Variants in WDR70 observed in about 807,000 individuals in gnomAD.
WDR70 encodes WD repeat-containing protein 70.
Under a neutral mutation model 88.6 loss-of-function variants are expected in WDR70, and 53 were observed. That is an observed-to-expected ratio of 0.60 (90% CI 0.48 to 0.75). The LOEUF is 0.75. Ranked by LOEUF, WDR70 falls within the 30% of genes least tolerant of loss-of-function variation. The pLI is 0.00. For synonymous variants in WDR70, 280 were observed against 270.0 expected (o/e 1.04, Z -0.36); for missense variants, 610 against 823.2 (o/e 0.74, Z 3.17).
chr5:37,630,671 C>T (rs1744787935), intron 10 of WDR70, among the ~76,000 whole-genome samples: 1 of 152,184 alleles, frequency 6.6e-6, no homozygotes, highest in Admixed American at 6.5e-5. Context: ...CACAGCCAAT[C>T]CTGGGCCCAT....
intron 14 of WDR70, 21 bp downstream of exon 14, chr5:37,721,236 G>C: frequency 6.2e-7 from 1 of 1,603,102 alleles, no homozygotes. Flanking sequence ...AGTATTGCCT[G>C]TTTTAGATGG....
intron 3 of WDR70, among the ~76,000 whole-genome samples, chr5:37,383,292 C>T (rs1234726616): frequency 1.3e-5 from 2 of 152,228 alleles, no homozygotes; most frequent in African/African-American, 2.4e-5. Context: ...CGGAGGCCTG[C>T]TCTGTCGCCC....
chr5:37,416,317 T>C (rs1209628462), intron 5 of WDR70, among the ~76,000 whole-genome samples: 2 of 152,160 alleles, frequency 1.3e-5, no homozygotes, highest in Non-Finnish European at 2.9e-5. Flanking sequence ...GAGACCAGCC[T>C]GGGCAACACA....
chr5:37,420,229 AAG>A (rs1749902685), intron 5 of WDR70, among the ~76,000 whole-genome samples: 1 of 152,162 alleles, frequency 6.6e-6, no homozygotes, highest in Non-Finnish European at 1.5e-5. Context: ...AAAGAGAAAA[AAG>A]TAAGTATTCT....
intron 5 of WDR70, among the ~76,000 whole-genome samples, chr5:37,414,928 G>A (rs1397901318): frequency 2.1e-5 from 3 of 145,622 alleles, no homozygotes; most frequent in Non-Finnish European, 4.4e-5. Context: ...AGGACCCTGC[G>A]GCCTTCCGCA....
chr5:37,574,644 C>T (rs572775531), intron 9 of WDR70, among the ~76,000 whole-genome samples: 2 of 152,272 alleles, frequency 1.3e-5, no homozygotes, highest in East Asian at 3.9e-4. Context: ...GATCTAATAG[C>T]CTGCTGGTTA....
intron 7 of WDR70, among the ~76,000 whole-genome samples, chr5:37,469,493 A>T (rs1182144551): frequency 6.6e-6 from 1 of 152,220 alleles, no homozygotes; most frequent in African/African-American, 2.4e-5. Flanking sequence ...AACAGAATGC[A>T]TAACTCTGAT....
At chr5:37,477,764 C>G (rs1739532818) in intron 7 of WDR70, among the ~76,000 whole-genome samples, 1 of 152,164 alleles carries the variant, frequency 6.6e-6, no homozygotes, top group Admixed American at 6.5e-5. Flanking sequence ...CTCCTCATCT[C>G]CTTGTCTCAA....
intron 17 of WDR70, among the ~76,000 whole-genome samples, chr5:37,739,497 G>A (rs1338693326): frequency 2.0e-5 from 3 of 152,134 alleles, no homozygotes; most frequent in Non-Finnish European, 2.9e-5. Context: ...ACACAGAATG[G>A]GTAGGTGACA....
At chr5:37,391,007 C>T (rs1463699179) in intron 3 of WDR70, among the ~76,000 whole-genome samples, 2 of 152,094 alleles carry the variant, frequency 1.3e-5, no homozygotes, top group African/African-American at 2.4e-5. Flanking sequence ...TGAGCCACTG[C>T]GCCTGGCCAA....
At chr5:37,443,405 T>G (rs770921372) in intron 7 of WDR70, 33 bp downstream of exon 7, 3 of 1,610,656 alleles carry the variant, frequency 1.9e-6, no homozygotes, top group Non-Finnish European at 2.5e-6. Flanking sequence ...TCTTCATATT[T>G]GACCTAATGT....
intron 10 of WDR70, among the ~76,000 whole-genome samples, chr5:37,611,628 T>C (rs921467670): frequency 6.6e-6 from 1 of 152,070 alleles, no homozygotes; most frequent in Non-Finnish European, 1.5e-5. Context: ...AAATTTGTCA[T>C]CTGTTATATA....
At chr5:37,513,935 C>T (rs1336047685) in intron 8 of WDR70, among the ~76,000 whole-genome samples, 1 of 152,096 alleles carries the variant, frequency 6.6e-6, no homozygotes, top group Non-Finnish European at 1.5e-5. Context: ...ATCAAGTTGA[C>T]ACTCATTATT....
chr5:37,731,184 G>A (rs1274785157), intron 17 of WDR70, among the ~76,000 whole-genome samples: 3 of 152,122 alleles, frequency 2.0e-5, no homozygotes, highest in Non-Finnish European at 4.4e-5. Context: ...AGACACTTCA[G>A]GCACTGTCAG....
intron 10 of WDR70, among the ~76,000 whole-genome samples, chr5:37,640,095 T>C (rs1187067587): frequency 2.0e-5 from 3 of 152,194 alleles, no homozygotes; most frequent in Non-Finnish European, 2.9e-5. Context: ...ATAGTTTTCT[T>C]TGAGCCCCTA....
At chr5:37,738,042 A>C (rs1285982658) in intron 17 of WDR70, among the ~76,000 whole-genome samples, 1 of 151,256 alleles carries the variant, frequency 6.6e-6, no homozygotes, top group Non-Finnish European at 1.5e-5. Flanking sequence ...AAAAAAAAAA[A>C]ACAAACAAAA....
chr5:37,672,192 C>T (rs563908938), intron 10 of WDR70, among the ~76,000 whole-genome samples: 49 of 152,194 alleles, frequency 3.2e-4, no homozygotes, highest in African/African-American at 1.2e-3. Context: ...GGTGGAAAGC[C>T]GCAGGGACCT....
intron 10 of WDR70, among the ~76,000 whole-genome samples, chr5:37,638,657 T>C (rs952970289): frequency 1.8e-4 from 28 of 152,344 alleles, no homozygotes; most frequent in African/African-American, 6.7e-4. Flanking sequence ...ATACCATTTC[T>C]TTTGGTGAAC....
chr5:37,718,953 A>T (rs999341389), intron 13 of WDR70, among the ~76,000 whole-genome samples: 1 of 152,224 alleles, frequency 6.6e-6, no homozygotes, highest in African/African-American at 2.4e-5. Context: ...CATGCTATAA[A>T]AAAAGAAAAG....
Sources: allele counts gnomAD v4.1 joint callset (sites outside exome capture counted in the v4.1 genomes callset), GRCh38; gene constraint gnomAD v4.1.1; transcripts MANE v1.5; gene names NCBI Gene and HGNC (gene_info 2026-07-23, HGNC 2026-07-21).